The following MMP28 variants were observed in gnomAD, a reference collection of about 807,000 sequenced individuals.
MMP28 encodes matrix metalloproteinase-28.
A neutral mutation model predicts 60.5 loss-of-function variants in MMP28; 55 were observed. The observed-to-expected ratio is 0.91, with a 90% CI of 0.73 to 1.14. The LOEUF is 1.14. Among genes scored for constraint, MMP28 ranks in the 50% most tolerant of loss-of-function variants. The probability of loss-of-function intolerance (pLI) is 0.00; values close to 1 mark genes in which losing one functional copy is unlikely to be tolerated. For synonymous variants in MMP28, 318 were observed against 312.5 expected (o/e 1.02, Z -0.18); for missense variants, 686 against 738.3 (o/e 0.93, Z 0.82).
rs1555604842 is a variant in MMP28, at chr17:35,770,094, C to A, written c.823G>T (p.Asp275Tyr). ...TACAGGCTCTGCACGGCCAGCACGT[C>A]GTCCCAGCTGAGCAGCGCGTCGCGG... is the stretch of plus-strand genomic sequence containing the variant. ...LGRDALLSWD[D>Y]VLAVQSLYGK... Residue 275 changes from aspartate to tyrosine, a missense_variant, in exon 5 of 8, where the codon GAC (aspartate) becomes TAC (tyrosine). Physicochemically the swap from Asp to Tyr is radical, Grantham distance 160. Coordinates refer to ENST00000605424, the MANE Select transcript of MMP28 (RefSeq NM_024302.5). The A allele has an allele frequency of 1.3e-6, 2 of 1,596,068 alleles. No individual in the cohort carries two copies. The highest frequency in any genetic ancestry group is 1.7e-4 in the Middle Eastern group (1 of 6,000).
intron 1 of MMP28, among the ~76,000 whole-genome samples, chr17:35,787,403 T>C (rs1442137200): frequency 6.6e-6 from 1 of 152,218 alleles, no homozygotes; most frequent in Admixed American, 6.5e-5. Flanking sequence ...CTCCTTTCCT[T>C]TATTTTGGGT....
Position 35,773,406 on chromosome 17 carries a change from T to C in MMP28, c.380-2A>G. 6.3e-7 allele frequency: 1 copy of C among 1,584,382 alleles called. No individual in the cohort carries two copies. The highest frequency in any genetic ancestry group is 8.6e-7 in the Non-Finnish European group (1 of 1,164,814). On this transcript the variant is annotated splice_acceptor_variant, in intron 3 of 7. Coordinates refer to ENST00000605424, the MANE Select transcript of MMP28 (RefSeq NM_024302.5). LOFTEE classifies it high-confidence loss of function. ...GGTGCTGCTTGTACCATTTGTTACC[T>C]GCCACCCAGAAAGCCCACGTCAGTC...
At chr17:35,786,899 T>G (rs539309032) in intron 1 of MMP28, among the ~76,000 whole-genome samples, 1 of 152,024 alleles carries the variant, frequency 6.6e-6, no homozygotes, top group Non-Finnish European at 1.5e-5. Flanking sequence ...ATTTTAAAGA[T>G]GAGGAAATTA....
In MMP28 at chr17:35,766,557, G is replaced by A. The variant is rs1555603223; in HGVS notation, c.1506C>T (p.Ala502=). Residue 502 remains alanine, a synonymous_variant, in exon 8 of 8, where the codon GCC becomes GCT. Coordinates refer to ENST00000605424, the MANE Select transcript of MMP28 (RefSeq NM_024302.5). This position sits in a 1 kb window ranked among gnomAD's most constrained non-coding sequence, Gnocchi z 4.3. ...AGCAGCCCATCCAGGGCAGCTCGGT[G>A]GCCCAGCGGCCCGAGGTGGTTGCCT... is the stretch of plus-strand genomic sequence containing the variant. ...KLQATTSGRW[A]TELPWMGCWH... 6.2e-7 allele frequency: 1 copy of A among 1,610,534 alleles called. No individual in the cohort carries two copies. Among genetic ancestry groups the A allele is most frequent in the Non-Finnish European group, 8.5e-7 (1 of 1,179,112 alleles).
downstream of MMP28, among the ~76,000 whole-genome samples, chr17:35,765,321 C>T (rs1178636232): frequency 1.3e-5 from 2 of 152,220 alleles, no homozygotes; most frequent in Admixed American, 6.5e-5. Flanking sequence ...CTGCCCTAGA[C>T]GCCCTGGCTT....
downstream of MMP28, among the ~76,000 whole-genome samples, chr17:35,763,796 C>G (rs2085872596): frequency 6.6e-6 from 1 of 151,826 alleles, no homozygotes; most frequent in Non-Finnish European, 1.5e-5. Flanking sequence ...ACTTGGGAGG[C>G]TGAGGCAAAA....
chr17:35,776,684 G>C (rs1054171702), intron 3 of MMP28, among the ~76,000 whole-genome samples: 2 of 151,962 alleles, frequency 1.3e-5, no homozygotes, highest in African/African-American at 4.8e-5. Context: ...TCAGGAGCTT[G>C]AGACCAGCCC....
At chr17:35,771,906 G>C (rs2086168292) in intron 4 of MMP28, among the ~76,000 whole-genome samples, 1 of 150,880 alleles carries the variant, frequency 6.6e-6, no homozygotes, top group Non-Finnish European at 1.5e-5. Context: ...CAGGTGCCAG[G>C]GTACCACCCC....
At position 35,770,000 on chromosome 17, in the gene MMP28, C is replaced by A; in HGVS notation, c.850+67G>T. 4.1e-6 allele frequency: 6 copies of A among 1,471,818 alleles called. No individual in the cohort carries two copies. The South Asian group carries it at 8.6e-5, about 21-fold the overall frequency. 91.2% of individuals were successfully genotyped at this position (1,471,818 alleles called of 1,614,324 possible). On this transcript the variant is annotated intron_variant, in intron 5 of 7. Coordinates refer to ENST00000605424, the MANE Select transcript of MMP28 (RefSeq NM_024302.5). ...TGGGAAATCCTATTTGCAGAGCCGGCGTTCAAGGACAGGAGGCCTTGGGGG... is the reference window on the plus strand; with the variant it reads ...TGGGAAATCCTATTTGCAGAGCCGGAGTTCAAGGACAGGAGGCCTTGGGGG...
chr17:35,774,146 A>G (rs2143336250), intron 3 of MMP28, among the ~76,000 whole-genome samples: 1 of 152,242 alleles, frequency 6.6e-6, no homozygotes, highest in East Asian at 1.9e-4. Flanking sequence ...TTTGCCCCAA[A>G]TTGCAACTCC....
chr17:35,790,719 G>A (rs937912047), intron 1 of MMP28, among the ~76,000 whole-genome samples: 1 of 152,016 alleles, frequency 6.6e-6, no homozygotes, highest in Non-Finnish European at 1.5e-5. Context: ...TGAGTATGGT[G>A]GTTCAAGTCT....
intron 5 of MMP28, among the ~76,000 whole-genome samples, chr17:35,769,549 C>T (rs1014977915): frequency 6.6e-6 from 1 of 152,144 alleles, no homozygotes; most frequent in African/African-American, 2.4e-5. Context: ...CACTGGCCCA[C>T]CCTGGGGAAG....
chr17:35,775,281 T>C (rs2086292064), intron 3 of MMP28, among the ~76,000 whole-genome samples: 1 of 152,132 alleles, frequency 6.6e-6, no homozygotes, highest in African/African-American at 2.4e-5. Context: ...GGGCCAGCAG[T>C]CTGAGCCCTT....
intron 1 of MMP28, among the ~76,000 whole-genome samples, chr17:35,781,952 G>A (rs1422292056): frequency 6.6e-6 from 1 of 151,738 alleles, no homozygotes; most frequent in African/African-American, 2.4e-5. Context: ...GCTCACCACA[G>A]CCTCAAACTC....
At chr17:35,763,076 G>A (rs1300232801), downstream of MMP28, among the ~76,000 whole-genome samples, 1 of 150,572 alleles carries the variant, frequency 6.6e-6, no homozygotes, top group African/African-American at 2.4e-5. Flanking sequence ...GAGCCGAGAT[G>A]GCACCACTGC....
chr17:35,761,056 A>C, downstream of MMP28: 6 of 1,284,414 alleles, frequency 4.7e-6, no homozygotes, highest in Admixed American at 3.0e-5. Flanking sequence ...TTTCTCAGTT[A>C]CCCATCCATG....
chr17:35,772,605 G>C (rs138212168), intron 4 of MMP28, among the ~76,000 whole-genome samples: 69 of 152,342 alleles, frequency 4.5e-4, no homozygotes, highest in African/African-American at 1.6e-3. Context: ...TGTGCAAACA[G>C]CCTATATTCA....
chr17:35,768,506 A>C, intron 5 of MMP28, 127 bp from the exon 6 acceptor site: 1 of 762,056 alleles, frequency 1.3e-6, no homozygotes, highest in Non-Finnish European at 2.0e-6. Context: ...GGAGAGTGGG[A>C]GTGGGGGTTA....
At chr17:35,774,613 ACT>A (rs1201781096) in intron 3 of MMP28, among the ~76,000 whole-genome samples, 1 of 151,910 alleles carries the variant, frequency 6.6e-6, no homozygotes, top group African/African-American at 2.4e-5. Flanking sequence ...GAGGAGCTGG[ACT>A]CTCTTCTCCT....
Sources: allele counts gnomAD v4.1 joint callset (sites outside exome capture counted in the v4.1 genomes callset), GRCh38; gene constraint gnomAD v4.1.1; non-coding constraint Gnocchi (gnomAD v3.1); transcripts MANE v1.5; gene names NCBI Gene and HGNC (gene_info 2026-07-23, HGNC 2026-07-21).